Variants in TBL1XR1 observed in about 807,000 individuals in gnomAD.
The protein encoded by TBL1XR1 is TBL1X/Y related 1.
A neutral mutation model predicts 66.9 loss-of-function variants in TBL1XR1; 5 were observed. The observed-to-expected ratio is 0.07, with a 90% CI of 0.04 to 0.16. The LOEUF is 0.16. TBL1XR1 is among the 10% of genes least tolerant of loss of function. The pLI is 1.00. For missense variants in TBL1XR1, 238 were observed against 623.2 expected, an observed-to-expected ratio of 0.38 and a Z score of 6.58; for synonymous variants, 210 against 206.0, an observed-to-expected ratio of 1.02 and a Z score of -0.17.
intron 2 of TBL1XR1, 98 bp from the exon 3 acceptor site, chr3:177,065,120 AAAAC>A: frequency 7.6e-6 from 6 of 785,912 alleles, no homozygotes; most frequent in East Asian, 3.4e-5. Context: ...TAAATGATGT[AAAAC>A]GAAGGTTCTA....
chr3:177,112,107 A>ATATT, intron 1 of TBL1XR1, among the ~76,000 whole-genome samples: 212 of 37,626 alleles, frequency 5.6e-3, no homozygotes, highest in Non-Finnish European at 7.3e-3. Flanking sequence ...ATATATATAT[A>ATATT]TTTTTTTTTT....
Position 177,050,599 on chromosome 3 carries a change from C to T in TBL1XR1, c.439G>A (p.Asp147Asn). Residue 147 changes from aspartate to asparagine, a missense_variant, in exon 6 of 16, where the codon GAT becomes AAT. Asp to Asn is a conservative substitution (Grantham distance 23). This residue lies in a region of TBL1XR1 where 80 missense variants were observed against 100.5 expected (regional missense o/e 0.80). Coordinates refer to ENST00000457928, the MANE Select transcript of TBL1XR1 (RefSeq NM_024665.7). Reference protein sequence around the residue: ...GAHTIANNHTDMMEVDGDVEI... With the variant: ...GAHTIANNHTNMMEVDGDVEI... ...ACATCCCCATCCACTTCCATCATATCAGTATGATTATCTGCATCGTGAAAC... is the reference window on the plus strand; with the variant it reads ...ACATCCCCATCCACTTCCATCATATTAGTATGATTATCTGCATCGTGAAAC... 1 of 1,613,704 alleles carries T rather than the reference C, an allele frequency of 6.2e-7. No individual in the cohort carries two copies. The highest frequency in any genetic ancestry group is 8.5e-7 in the Non-Finnish European group (1 of 1,179,756).
chr3:177,115,480 A>G (rs1003255019), intron 1 of TBL1XR1, among the ~76,000 whole-genome samples: 17 of 152,088 alleles, frequency 1.1e-4, no homozygotes, highest in African/African-American at 4.1e-4. Context: ...TCACTACCCA[A>G]CCCAAAAGCC....
At chr3:177,132,054 T>C (rs758033635) in intron 1 of TBL1XR1, among the ~76,000 whole-genome samples, 1 of 152,240 alleles carries the variant, frequency 6.6e-6, no homozygotes, top group Non-Finnish European at 1.5e-5. Flanking sequence ...ATTAATAATG[T>C]TGCTCTGAAA....
chr3:177,039,873 G>A (rs905812733), intron 10 of TBL1XR1, among the ~76,000 whole-genome samples: 43 of 152,196 alleles, frequency 2.8e-4, no homozygotes. Context: ...ACAAATGCAT[G>A]AAGTTGCATA....
At chr3:177,039,681 T>C (rs1371013286) in intron 10 of TBL1XR1, among the ~76,000 whole-genome samples, 1 of 152,158 alleles carries the variant, frequency 6.6e-6, no homozygotes, top group East Asian at 1.9e-4. Flanking sequence ...AGTAACTGGG[T>C]TAGGCAACAG....
In TBL1XR1 at chr3:177,022,420, T is replaced by A. The variant is rs1712499910; in HGVS notation, c.*3078A>T. The A allele has an allele frequency of 6.6e-6, 1 of 152,504 alleles. No homozygotes were observed. Among genetic ancestry groups the A allele is most frequent in the Non-Finnish European group, 1.5e-5 (1 of 67,946 alleles). The allele number at this position is 152,504 out of a possible 1,614,324, so 9.4% of individuals were successfully genotyped here. On this transcript the variant is annotated 3_prime_UTR_variant, in exon 16 of 16. Transcript: ENST00000457928. ...AGTCATTTGAAAGTCAATGATGTTA[T>A]CTGGTCAATGGCAGGAAATGGGAAC... is the stretch of plus-strand genomic sequence containing the variant.
At chr3:177,139,548 A>C (rs1023591855) in intron 1 of TBL1XR1, among the ~76,000 whole-genome samples, 3 of 152,216 alleles carry the variant, frequency 2.0e-5, no homozygotes, top group Non-Finnish European at 4.4e-5. Flanking sequence ...GGGAAAAAAA[A>C]AAATTAAAGC....
chr3:177,182,512 T>C (rs1222165260), intron 1 of TBL1XR1, among the ~76,000 whole-genome samples: 1 of 152,230 alleles, frequency 6.6e-6, no homozygotes, highest in Non-Finnish European at 1.5e-5. Context: ...AAGAGTCTAC[T>C]GTACTAGCAA....
chr3:177,046,309 A>T, intron 9 of TBL1XR1, 120 bp from the exon 10 acceptor site: 2 of 675,198 alleles, frequency 3.0e-6, no homozygotes, highest in Non-Finnish European at 4.7e-6. Context: ...AATTTTAAAC[A>T]CTTTATCCCA....
At chr3:177,158,225 TTTTC>T (rs1390386921) in intron 1 of TBL1XR1, among the ~76,000 whole-genome samples, 60 of 43,658 alleles carry the variant, frequency 1.4e-3, no homozygotes, top group African/African-American at 1.9e-3. Flanking sequence ...GATTTGTTTC[TTTTC>T]TTTTTTTTTT....
At chr3:177,119,201 G>A (rs572950044) in intron 1 of TBL1XR1, among the ~76,000 whole-genome samples, 1 of 152,090 alleles carries the variant, frequency 6.6e-6, no homozygotes, top group Non-Finnish European at 1.5e-5. Flanking sequence ...CCAAACTCCT[G>A]ACCTCAGGTG....
chr3:177,031,146 A>G (rs950879696), intron 14 of TBL1XR1, among the ~76,000 whole-genome samples: 1 of 152,130 alleles, frequency 6.6e-6, no homozygotes, highest in Non-Finnish European at 1.5e-5. Context: ...AATAAAGTTT[A>G]GCTGGGTGTA....
chr3:177,172,331 C>T (rs1733629129), intron 1 of TBL1XR1, among the ~76,000 whole-genome samples: 2 of 148,578 alleles, frequency 1.3e-5, no homozygotes, highest in Admixed American at 6.7e-5. Context: ...TCCACACTGA[C>T]ATAAGTCATG....
At chr3:177,134,945 C>CTGTGTGTGTGTGTGTG (rs10662042) in intron 1 of TBL1XR1, among the ~76,000 whole-genome samples, 2,482 of 129,024 alleles carry the variant, frequency 0.019, 59 homozygotes, top group African/African-American at 0.052. Context: ...CACTGCAAGG[C>CTGTGTGTGTGTGTGTG]TGTGTGTGTG....
At chr3:177,186,937 C>A (rs990686631) in intron 1 of TBL1XR1, among the ~76,000 whole-genome samples, 1 of 151,892 alleles carries the variant, frequency 6.6e-6, no homozygotes, top group Admixed American at 6.6e-5. Flanking sequence ...GAGGCCGAGG[C>A]GGGCGGATCA....
intron 3 of TBL1XR1, among the ~76,000 whole-genome samples, chr3:177,057,282 TCCTACGCTGATCCTAG>T (rs1717926188): frequency 6.6e-6 from 1 of 152,202 alleles, no homozygotes; most frequent in African/African-American, 2.4e-5. Context: ...AACCAGTCTC[TCCTACGCTGATCCTAG>T]AATTTCTGTA....
chr3:177,104,561 C>T (rs1724640106), intron 1 of TBL1XR1, among the ~76,000 whole-genome samples: 1 of 152,198 alleles, frequency 6.6e-6, no homozygotes, highest in Non-Finnish European at 1.5e-5. Context: ...TTAAGTGACT[C>T]TGAGATCAGA....
chr3:177,140,690 G>C (rs1326482546), intron 1 of TBL1XR1, among the ~76,000 whole-genome samples: 1 of 152,160 alleles, frequency 6.6e-6, no homozygotes, highest in Non-Finnish European at 1.5e-5. Context: ...CTGACAGTGG[G>C]AGATTCTCCT....
Sources: gnomAD v4.1 joint callset for allele counts (sites outside exome capture counted in the v4.1 genomes callset) on GRCh38, gnomAD v4.1.1 for gene constraint, gnomAD v4.1.1 regional missense constraint, MANE v1.5 for transcripts, NCBI Gene and HGNC (gene_info 2026-07-23, HGNC 2026-07-21) for gene names.